The following NXPH1 variants were observed in gnomAD, a reference collection of about 807,000 sequenced individuals.
The protein encoded by NXPH1 is neurexophilin 1.
A neutral mutation model predicts 23.7 loss-of-function variants in NXPH1; 5 were observed. The ratio of observed to expected loss-of-function variants is 0.21; its 90% CI spans 0.11 to 0.44. The LOEUF is 0.44. Among genes scored for constraint, NXPH1 ranks in the 20% least tolerant of loss-of-function variants. The pLI, the probability that NXPH1 is intolerant of heterozygous loss-of-function variation, is 0.99. For missense variants in NXPH1, 324 were observed against 321.6 expected (o/e 1.01, Z -0.06); for synonymous variants, 144 against 122.2 (o/e 1.18, Z -1.18).
intron 2 of NXPH1, among the ~76,000 whole-genome samples, chr7:8,617,392 T>C (rs1181664941): frequency 6.6e-6 from 1 of 152,084 alleles, no homozygotes; most frequent in Non-Finnish European, 1.5e-5. Context: ...TAGCTAAGAT[T>C]TGGATGCAAC....
intron 2 of NXPH1, among the ~76,000 whole-genome samples, chr7:8,530,776 T>G (rs1266215372): frequency 6.6e-6 from 1 of 152,182 alleles, no homozygotes; most frequent in Non-Finnish European, 1.5e-5. Context: ...TATTCAGACA[T>G]CTGGTTTGTA....
chr7:8,462,101 T>A (rs911694337), intron 2 of NXPH1, among the ~76,000 whole-genome samples: 10 of 152,098 alleles, frequency 6.6e-5, no homozygotes, highest in African/African-American at 2.4e-4. Context: ...CAGGCTGGAG[T>A]GCAGTGGCGT....
At chr7:8,620,515 A>G (rs1023410282) in intron 2 of NXPH1, among the ~76,000 whole-genome samples, 2 of 152,132 alleles carry the variant, frequency 1.3e-5, no homozygotes, top group African/African-American at 4.8e-5. Flanking sequence ...GCAAAAGAAT[A>G]TTGCTACTGT....
intron 2 of NXPH1, among the ~76,000 whole-genome samples, chr7:8,504,154 T>A (rs1393160125): frequency 6.6e-6 from 1 of 152,042 alleles, no homozygotes; most frequent in Non-Finnish European, 1.5e-5. Context: ...CCACAAAGCC[T>A]TTCCCATTTC....
At chr7:8,534,689 T>C (rs1359722798) in intron 2 of NXPH1, among the ~76,000 whole-genome samples, 1 of 152,146 alleles carries the variant, frequency 6.6e-6, no homozygotes, top group African/African-American at 2.4e-5. Flanking sequence ...TAAATTATCG[T>C]ACTCTCAAAT....
intron 2 of NXPH1, among the ~76,000 whole-genome samples, chr7:8,652,448 A>G (rs1820504567): frequency 6.6e-6 from 1 of 152,136 alleles, no homozygotes; most frequent in Non-Finnish European, 1.5e-5. Context: ...CCATATCGAT[A>G]AATGTGCCTC....
rs151275276 is a variant in NXPH1 at position 8,715,852 on chromosome 7, G to C, written c.55-35156G>C. Among the ~76,000 whole-genome samples the C allele has an allele frequency of 5.5e-3, 833 of 152,224 alleles. 8 individuals carry two copies. Among genetic ancestry groups the C allele is most frequent in the African/African-American group, 0.019 (782 of 41,544 alleles). On this transcript the variant is annotated intron_variant, in intron 2 of 2. Coordinates refer to ENST00000405863, the MANE Select transcript of NXPH1 (RefSeq NM_152745.3). ...TGTCCCCAAATTAAGAGCATTATAA[G>C]AAGTTGAAATCCTGACTTGAAATCT...
chr7:8,626,783 C>A (rs772319233), intron 2 of NXPH1, among the ~76,000 whole-genome samples: 1 of 152,016 alleles, frequency 6.6e-6, no homozygotes, highest in Non-Finnish European at 1.5e-5. Flanking sequence ...GTAATTTCTC[C>A]CATGCGATGT....
At chr7:8,437,055 G>T (rs1047192449) in intron 2 of NXPH1, among the ~76,000 whole-genome samples, 3 of 152,092 alleles carry the variant, frequency 2.0e-5, no homozygotes, top group Non-Finnish European at 4.4e-5. Context: ...CCCCTTTATC[G>T]CCTGACCGTA....
At chr7:8,621,989 T>C (rs1305061592) in intron 2 of NXPH1, among the ~76,000 whole-genome samples, 1 of 152,142 alleles carries the variant, frequency 6.6e-6, no homozygotes, top group Admixed American at 6.6e-5. Context: ...ACTTTGCACA[T>C]GTCATGTAAG....
chr7:8,510,212 T>C (rs1817590026), intron 2 of NXPH1, among the ~76,000 whole-genome samples: 1 of 152,144 alleles, frequency 6.6e-6, no homozygotes, highest in Non-Finnish European at 1.5e-5. Flanking sequence ...AAACTTGACA[T>C]TTTGCCCATT....
chr7:8,515,712 C>T (rs1378045884), intron 2 of NXPH1, among the ~76,000 whole-genome samples: 1 of 152,066 alleles, frequency 6.6e-6, no homozygotes, highest in Non-Finnish European at 1.5e-5. Context: ...TGTTGAGAAA[C>T]GTTTTTATTG....
intron 2 of NXPH1, among the ~76,000 whole-genome samples, chr7:8,512,409 C>A (rs113459570): frequency 1.3e-5 from 2 of 152,046 alleles, no homozygotes; most frequent in Non-Finnish European, 2.9e-5. Context: ...AAGGAACTTA[C>A]CTTAAGGAAG....
chr7:8,711,288 T>A (rs1779790802), intron 2 of NXPH1, among the ~76,000 whole-genome samples: 1 of 152,234 alleles, frequency 6.6e-6, no homozygotes, highest in Non-Finnish European at 1.5e-5. Context: ...TGTTTTCTTT[T>A]TGAAGTCAGT....
intron 2 of NXPH1, among the ~76,000 whole-genome samples, chr7:8,449,849 A>G (rs539178147): frequency 1.3e-5 from 2 of 152,206 alleles, no homozygotes; most frequent in Non-Finnish European, 2.9e-5. Flanking sequence ...GTAGTTAAGT[A>G]GTTTTATTAG....
intron 2 of NXPH1, among the ~76,000 whole-genome samples, chr7:8,687,483 C>T (rs904847480): frequency 6.6e-6 from 1 of 152,140 alleles, no homozygotes; most frequent in Non-Finnish European, 1.5e-5. Context: ...ATTAAAACAT[C>T]ATTTTACCTC....
chr7:8,657,747 A>G (rs1820604305), intron 2 of NXPH1, among the ~76,000 whole-genome samples: 1 of 152,210 alleles, frequency 6.6e-6, no homozygotes, highest in Non-Finnish European at 1.5e-5. Flanking sequence ...GCAATACTGG[A>G]CCAGGTGCAG....
chr7:8,576,696 T>C (rs982171334), intron 2 of NXPH1, among the ~76,000 whole-genome samples: 1 of 152,004 alleles, frequency 6.6e-6, no homozygotes, highest in African/African-American at 2.4e-5. Flanking sequence ...ATCTAGGAGA[T>C]AGTGATTTAT....
intron 2 of NXPH1, among the ~76,000 whole-genome samples, chr7:8,519,259 CAAA>C (rs1267425016): frequency 6.6e-6 from 1 of 152,092 alleles, no homozygotes; most frequent in Non-Finnish European, 1.5e-5. Flanking sequence ...TACATTTACT[CAAA>C]AAACACCTTT....
Sources: gnomAD v4.1 joint callset for allele counts (sites outside exome capture counted in the v4.1 genomes callset) on GRCh38, gnomAD v4.1.1 for gene constraint, MANE v1.5 for transcripts, NCBI Gene and HGNC (gene_info 2026-07-23, HGNC 2026-07-21) for gene names.